Variants in ARHGEF10L observed in about 807,000 individuals in gnomAD.
The protein encoded by ARHGEF10L is Rho guanine nucleotide exchange factor 10 like, also known as rho guanine nucleotide exchange factor 10-like protein.
Under a neutral mutation model 141.2 loss-of-function variants are expected in ARHGEF10L, and 69 were observed. The observed-to-expected ratio is 0.49, with a 90% CI of 0.40 to 0.60. The LOEUF (loss-of-function observed/expected upper bound fraction) is 0.60. Ranked by LOEUF, ARHGEF10L falls within the 20% of genes least tolerant of loss-of-function variation. The pLI is 0.00. For missense variants in ARHGEF10L, 1,482 were observed against 1,734.3 expected (o/e 0.85, Z 2.58); for synonymous variants, 711 against 718.5 (o/e 0.99, Z 0.17).
chr1:17,584,635 C>T (rs187342761), intron 2 of ARHGEF10L, among the ~76,000 whole-genome samples: 66 of 152,164 alleles, frequency 4.3e-4, no homozygotes, highest in Admixed American at 6.5e-4. Context: ...GTAGAGATGC[C>T]GCAGCATGCA....
chr1:17,680,271 G>C lies in ARHGEF10L; in HGVS notation c.3010-7302G>C, dbSNP rs113114557. Among the ~76,000 whole-genome samples the C allele has an allele frequency of 6.1e-3, 935 of 152,354 alleles. 10 individuals carry two copies. Among genetic ancestry groups the C allele is most frequent in the African/African-American group, 0.021 (879 of 41,578 alleles). On this transcript the variant is annotated intron_variant, in intron 26 of 28. Transcript: ENST00000361221. ...GCATCCTGCTGTTTCCTCAGGAGCT[G>C]GCAGCCCCTGAGAGCCCCTGTGCCC...
intron 11 of ARHGEF10L, 96 bp from the exon 12 acceptor site, chr1:17,622,900 G>T: frequency 7.4e-7 from 1 of 1,345,432 alleles, no homozygotes; most frequent in Non-Finnish European, 1.0e-6. Flanking sequence ...CCGTGCCACG[G>T]GAAGGCCCAT....
At chr1:17,650,808 G>A (rs1211823419) in intron 22 of ARHGEF10L, among the ~76,000 whole-genome samples, 1 of 151,986 alleles carries the variant, frequency 6.6e-6, no homozygotes, top group Non-Finnish European at 1.5e-5. Context: ...CTGAGACGTG[G>A]CAAGACTTGA....
intron 26 of ARHGEF10L, among the ~76,000 whole-genome samples, chr1:17,678,180 G>A (rs2063844100): frequency 1.3e-5 from 2 of 152,162 alleles, no homozygotes; most frequent in Non-Finnish European, 2.9e-5. Flanking sequence ...AGCTGCCAAG[G>A]GTAAGACTCG....
chr1:17,659,277 G>A (rs539105011), intron 25 of ARHGEF10L, among the ~76,000 whole-genome samples: 24 of 152,302 alleles, frequency 1.6e-4, no homozygotes, highest in African/African-American at 5.5e-4. Flanking sequence ...AGGCCCCTGA[G>A]AAGGGGCTTG....
the ARHGEF10L span, among the ~76,000 whole-genome samples, chr1:17,515,213 T>A: frequency 6.6e-6 from 1 of 151,764 alleles, no homozygotes; most frequent in East Asian, 1.9e-4. Flanking sequence ...GACAGAAGTG[T>A]GGGAGAGGGT....
At chr1:17,626,346 T>C (rs759054963) in intron 14 of ARHGEF10L, among the ~76,000 whole-genome samples, 2 of 152,058 alleles carry the variant, frequency 1.3e-5, no homozygotes, top group South Asian at 4.2e-4. Flanking sequence ...GCTCCTGGCA[T>C]GGAGGAGATG....
At chr1:17,695,384 G>C (rs1420712896) in intron 28 of ARHGEF10L, 104 bp downstream of exon 28, 20 of 1,435,476 alleles carry the variant, frequency 1.4e-5, no homozygotes, top group East Asian at 2.4e-5. Context: ...GTATAGGGAT[G>C]GGGTTCCAGT....
intron 18 of ARHGEF10L, among the ~76,000 whole-genome samples, chr1:17,636,209 T>C (rs1165217710): frequency 6.6e-6 from 1 of 152,158 alleles, no homozygotes; most frequent in African/African-American, 2.4e-5. Flanking sequence ...GATCCCTCCT[T>C]CGGTGACAAT....
chr1:17,515,431 T>A, the ARHGEF10L span, among the ~76,000 whole-genome samples: 1 of 151,748 alleles, frequency 6.6e-6, no homozygotes, highest in Non-Finnish European at 1.5e-5. Context: ...GTAGCTGGGA[T>A]TATAGGCGTG....
At position 17,695,923 on chromosome 1, in the gene ARHGEF10L, G is replaced by A. The variant is rs952965239; in HGVS notation, c.3307+643G>A. On this transcript the variant is annotated intron_variant, in intron 28 of 28. Coordinates refer to ENST00000361221, the MANE Select transcript of ARHGEF10L (RefSeq NM_018125.4). The stretch of plus-strand genomic sequence containing the variant: ...TAAAGAAGAATTGCTTTGGCTGGGC[G>A]CGGTGGCTCACACCTGTAATCCTAG... 1.3e-4 allele frequency among the ~76,000 whole-genome samples: 20 copies of A among 152,242 alleles called. 1 individual carries two copies. The highest frequency in any genetic ancestry group is 4.6e-4 in the Admixed American group (7 of 15,292).
At chr1:17,584,262 C>G (rs147981492) in intron 2 of ARHGEF10L, among the ~76,000 whole-genome samples, 2 of 152,234 alleles carry the variant, frequency 1.3e-5, no homozygotes, top group Non-Finnish European at 2.9e-5. Flanking sequence ...CTGGGCTGGT[C>G]ACAAGCTTTT....
At chr1:17,693,571 G>C (rs1558054544) in intron 27 of ARHGEF10L, among the ~76,000 whole-genome samples, 1 of 152,174 alleles carries the variant, frequency 6.6e-6, no homozygotes, top group South Asian at 2.1e-4. Context: ...GGAAGCACTG[G>C]GCAGTGGTGA....
upstream of ARHGEF10L, among the ~76,000 whole-genome samples, chr1:17,536,019 G>A (rs1408020477): frequency 1.3e-5 from 2 of 152,216 alleles, no homozygotes; most frequent in Non-Finnish European, 2.9e-5. Flanking sequence ...CTGGGGCCCA[G>A]TGTGGCCGTC....
intron 11 of ARHGEF10L, among the ~76,000 whole-genome samples, chr1:17,622,498 G>A (rs1160746521): frequency 1.3e-5 from 2 of 152,150 alleles, no homozygotes; most frequent in Non-Finnish European, 2.9e-5. Context: ...CCAGAGTAAG[G>A]CCACCAGGGT....
chr1:17,572,164 G>A (rs2078029706), intron 1 of ARHGEF10L, among the ~76,000 whole-genome samples: 2 of 152,216 alleles, frequency 1.3e-5, no homozygotes, highest in Admixed American at 1.3e-4. Flanking sequence ...TTTGCTTGCG[G>A]GGGTCAGTCC....
intron 27 of ARHGEF10L, among the ~76,000 whole-genome samples, chr1:17,692,299 G>A (rs1477695442): frequency 2.0e-5 from 3 of 152,126 alleles, no homozygotes; most frequent in Non-Finnish European, 4.4e-5. Context: ...CGCTATGAAT[G>A]TGATTTTTTG....
At chr1:17,682,890 G>A (rs1295100982) in intron 26 of ARHGEF10L, among the ~76,000 whole-genome samples, 1 of 152,164 alleles carries the variant, frequency 6.6e-6, no homozygotes, top group South Asian at 2.1e-4. Flanking sequence ...CCTGGGATTG[G>A]GGTGCTGGGT....
chr1:17,634,528 C>T lies in ARHGEF10L; in HGVS notation c.1731-20C>T. On this transcript the variant is annotated intron_variant, in intron 16 of 28. Transcript: ENST00000361221. ...CCATTGTAATAACAATCTCCCTTTC[C>T]TTCTTGTCTTTTTTCCCAGGCCTGC... The T allele has an allele frequency of 1.2e-6, 2 of 1,614,140 alleles. No individual in the cohort carries two copies. Among genetic ancestry groups the T allele is most frequent in the Non-Finnish European group, 1.7e-6 (2 of 1,180,004 alleles).
Sources: allele counts gnomAD v4.1 joint callset (sites outside exome capture counted in the v4.1 genomes callset), GRCh38; gene constraint gnomAD v4.1.1; transcripts MANE v1.5; gene names NCBI Gene and HGNC (gene_info 2026-07-23, HGNC 2026-07-21).